Variants in ANK2 observed in about 807,000 individuals in gnomAD.
ANK2 encodes the protein ankyrin-2.
In ANK2, 83 loss-of-function variants were observed where a neutral mutation model predicts 360.5. The ratio of observed to expected loss-of-function variants is 0.23; its 90% CI spans 0.19 to 0.28. The LOEUF is 0.28. Ranked by LOEUF, ANK2 falls within the 10% of genes least tolerant of loss-of-function variation. ANK2 has a pLI of 1.00. For missense variants in ANK2, 4,201 were observed against 4,795.7 expected (o/e 0.88, Z 3.66); for synonymous variants, 1,740 against 1,759.5 (o/e 0.99, Z 0.28).
rs140100830 is a variant in ANK2, at chr4:113,300,101, T to C, written c.2476-2666T>C. Reference sequence around the variant, plus strand: ...CAAATTGTATATTATAATAGTCTTTTTGAGTTTGTTCATTCAACAAATATT... The same window carrying C: ...CAAATTGTATATTATAATAGTCTTTCTGAGTTTGTTCATTCAACAAATATT... On this transcript the variant is annotated intron_variant, in intron 22 of 45. Coordinates refer to ENST00000357077, the MANE Select transcript of ANK2 (RefSeq NM_001148.6). 3.3e-5 allele frequency among the ~76,000 whole-genome samples: 5 copies of C among 152,270 alleles called. No homozygotes were observed. The East Asian group carries it at 9.6e-4, about 29-fold the overall frequency.
At chr4:113,026,888 G>A (rs2059393776) in intron 2 of ANK2, among the ~76,000 whole-genome samples, 2 of 152,136 alleles carry the variant, frequency 1.3e-5, no homozygotes, top group African/African-American at 4.8e-5. Context: ...TGGAAAGGGT[G>A]GCTTTTTTCA....
At chr4:113,072,765 T>TTTTTTTG (rs142762570) in intron 1 of ANK2, among the ~76,000 whole-genome samples, 24 of 121,242 alleles carry the variant, frequency 2.0e-4, no homozygotes, top group South Asian at 8.3e-4. Context: ...TTTTTTTTTT[T>TTTTTTTG]GCTGTCTTGT....
chr4:112,711,643 C>G, the ANK2 span, among the ~76,000 whole-genome samples: 2 of 151,604 alleles, frequency 1.3e-5, no homozygotes, highest in African/African-American at 4.8e-5. Flanking sequence ...ATGGTGAAAC[C>G]CTGTCTCTAC....
chr4:113,107,797 G>A (rs1203727849), intron 1 of ANK2, among the ~76,000 whole-genome samples: 1 of 152,128 alleles, frequency 6.6e-6, no homozygotes, highest in African/African-American at 2.4e-5. Flanking sequence ...CTGTTAGGTA[G>A]ATATTGTCTT....
At chr4:113,223,048 T>C (rs184917567) in intron 4 of ANK2, among the ~76,000 whole-genome samples, 37 of 152,292 alleles carry the variant, frequency 2.4e-4, no homozygotes, top group African/African-American at 8.4e-4. Flanking sequence ...TACCCATTGG[T>C]TTTTTACATC....
the ANK2 span, chr4:112,706,770 C>T: frequency 6.6e-6 from 1 of 152,234 alleles, no homozygotes; most frequent in African/African-American, 2.4e-5. Flanking sequence ...CCTGCATTAG[C>T]CATGTAGTAC....
At chr4:112,991,948 C>A (rs1434269097) in intron 2 of ANK2, among the ~76,000 whole-genome samples, 1 of 151,904 alleles carries the variant, frequency 6.6e-6, no homozygotes, top group Non-Finnish European at 1.5e-5. Context: ...TGGCCCTTAA[C>A]GTCTGTATTT....
chr4:113,184,005 A>G (rs567172813), intron 2 of ANK2, among the ~76,000 whole-genome samples: 2 of 150,512 alleles, frequency 1.3e-5, no homozygotes, highest in Non-Finnish European at 3.0e-5. Context: ...AGCTCCCCCA[A>G]GTTCGGTGAT....
intron 1 of ANK2, among the ~76,000 whole-genome samples, chr4:113,118,690 C>CT (rs1203301651): frequency 1.3e-5 from 2 of 151,954 alleles, no homozygotes; most frequent in African/African-American, 2.4e-5. Flanking sequence ...TGCATTAATT[C>CT]TTTTTTTTAG....
chr4:113,016,917 G>A (rs1055245936), intron 2 of ANK2, among the ~76,000 whole-genome samples: 1 of 152,156 alleles, frequency 6.6e-6, no homozygotes, highest in Non-Finnish European at 1.5e-5. Flanking sequence ...AACTTGGAGT[G>A]CTTGAGGGGT....
intron 1 of ANK2, among the ~76,000 whole-genome samples, chr4:112,821,336 A>G (rs1179570469): frequency 6.6e-6 from 1 of 152,192 alleles, no homozygotes; most frequent in African/African-American, 2.4e-5. Flanking sequence ...GGCATGCACC[A>G]TCACACCTAG....
chr4:113,363,390 T>C lies in ANK2; in HGVS notation c.10809T>C (p.Ile3603=). The part of the protein sequence containing the change: ...FTEEQIHQIR[I]ENPNSLQDQS... ...AGGAGCAAATTCATCAAATTCGAAT[T>C]GAAAATCCCAACTCTCTTCAAGACC... Residue 3603 remains isoleucine (I), a synonymous_variant, in exon 40 of 46, where the codon ATT becomes ATC. Transcript: ENST00000357077. 6.2e-7 allele frequency: 1 copy of C among 1,613,448 alleles called. No individual in the cohort carries two copies. Among genetic ancestry groups the C allele is most frequent in the Non-Finnish European group, 8.5e-7 (1 of 1,179,656 alleles).
chr4:113,235,017 A>AT (rs1296283247), intron 5 of ANK2, among the ~76,000 whole-genome samples: 2 of 152,150 alleles, frequency 1.3e-5, no homozygotes, highest in African/African-American at 4.8e-5. Flanking sequence ...CTCCAGTACC[A>AT]TTTTTATACA....
Position 112,906,582 on chromosome 4 carries a change from G to A in ANK2, c.21+2068G>A, listed in dbSNP as rs192049068. ...GGTCTAGGAAGAGGGATTACCTATA[G>A]CCAGTGGGAAGGACAACATGCACAT... On this transcript the variant is annotated intron_variant, in intron 2 of 30. Coordinates refer to the ANK2 transcript ENST00000503271. 1.9e-3 allele frequency among the ~76,000 whole-genome samples: 294 copies of A among 152,278 alleles called. 1 individual carries two copies. The highest frequency in any genetic ancestry group is 6.8e-3 in the Middle Eastern group (2 of 294).
At chr4:113,093,998 GGAGTA>G (rs1186623647) in intron 1 of ANK2, among the ~76,000 whole-genome samples, 14 of 152,086 alleles carry the variant, frequency 9.2e-5, no homozygotes, top group Admixed American at 2.6e-4. Flanking sequence ...TGTTTATATT[GGAGTA>G]GAGTATACTG....
At chr4:112,864,633 A>T (rs960825561) in intron 1 of ANK2, among the ~76,000 whole-genome samples, 7 of 151,902 alleles carry the variant, frequency 4.6e-5, no homozygotes, top group African/African-American at 1.4e-4. Context: ...AAAGTATTTT[A>T]AAAAAACGTT....
intron 33 of ANK2, among the ~76,000 whole-genome samples, 159 bp from the exon 34 acceptor site, chr4:113,342,858 T>C (rs550822800): frequency 6.6e-6 from 1 of 152,318 alleles, no homozygotes; most frequent in Admixed American, 6.5e-5. Context: ...GTGCTGGACA[T>C]GCTGTGTCAC....
At chr4:113,070,605 C>T (rs527462724) in intron 1 of ANK2, among the ~76,000 whole-genome samples, 1 of 152,078 alleles carries the variant, frequency 6.6e-6, no homozygotes, top group East Asian at 1.9e-4. Flanking sequence ...ATCAGTTTGC[C>T]CTACAAGTCT....
intron 1 of ANK2, among the ~76,000 whole-genome samples, chr4:113,163,569 A>C (rs1310048070): frequency 6.6e-6 from 1 of 151,712 alleles, no homozygotes; most frequent in Non-Finnish European, 1.5e-5. Flanking sequence ...GTTCGAGACC[A>C]GCCTGACCAA....
Sources: allele counts gnomAD v4.1 joint callset (sites outside exome capture counted in the v4.1 genomes callset), GRCh38; gene constraint gnomAD v4.1.1; transcripts MANE v1.5; gene names NCBI Gene and HGNC (gene_info 2026-07-23, HGNC 2026-07-21).